The following TMPRSS11B variants were observed in gnomAD, a reference collection of about 807,000 sequenced individuals.
TMPRSS11B encodes the protein transmembrane serine protease 11B, also known as transmembrane protease serine 11B.
In TMPRSS11B, 53 loss-of-function variants were observed where a neutral mutation model predicts 44.7. That is an observed-to-expected ratio of 1.19 (90% CI 0.95 to 1.49). The LOEUF (loss-of-function observed/expected upper bound fraction) is 1.49. TMPRSS11B is among the 40% of genes most tolerant of loss of function. The pLI is 0.00. For missense variants in TMPRSS11B, 526 were observed against 494.8 expected (o/e 1.06, Z -0.60); for synonymous variants, 140 against 159.2 (o/e 0.88, Z 0.91).
Position 68,236,017 on chromosome 4 carries a change from T to A in TMPRSS11B, c.293A>T (p.Glu98Val). ...SSIYKEYVKSEVIKLLPNANG... is the reference protein window; with the variant it reads ...SSIYKEYVKSVVIKLLPNANG... ...TTGTACTTACAGAAGTTTGATGACC[T>A]CAGATTTGACATATTCCTTATATAT... is the stretch of plus-strand genomic sequence containing the variant. The change falls in exon 4 of 10, where the codon GAG becomes GTG. Residue 98 changes from glutamate (E) to valine (V), a missense_variant. Physicochemically the swap from Glu to Val is moderately radical, Grantham distance 121 (BLOSUM62 -2). Transcript: ENST00000332644. 3 of 1,578,910 alleles carry A rather than the reference T, an allele frequency of 1.9e-6. No individual in the cohort carries two copies. Among genetic ancestry groups the A allele is most frequent in the Non-Finnish European group, 2.6e-6 (3 of 1,165,004 alleles).
At chr4:68,243,648 T>C (rs1024261156) in intron 1 of TMPRSS11B, among the ~76,000 whole-genome samples, 18 of 152,180 alleles carry the variant, frequency 1.2e-4, no homozygotes, top group African/African-American at 2.4e-5. Flanking sequence ...TTTATTAATA[T>C]TGGATAACAT....
rs1291205021 is a variant in TMPRSS11B at position 68,227,747 on chromosome 4, C to T, written c.*164G>A. On this transcript the variant is annotated 3_prime_UTR_variant, in exon 10 of 10. Transcript: ENST00000332644. ...CATTAATTTAAAAGATTAATAAATG[C>T]ATGGACAGTGTTTTAGATATAATAA... The T allele has an allele frequency of 1.2e-5, 4 of 342,576 alleles. No individual in the cohort carries two copies. Among genetic ancestry groups the T allele is most frequent in the Non-Finnish European group, 1.8e-5 (4 of 219,016 alleles). The allele number at this position is 342,576 out of a possible 1,614,324, so 21.2% of individuals were successfully genotyped here.
At chr4:68,229,855 G>T (rs1299294311) in intron 7 of TMPRSS11B, among the ~76,000 whole-genome samples, 1 of 151,646 alleles carries the variant, frequency 6.6e-6, no homozygotes, top group East Asian at 2.0e-4. Flanking sequence ...TGGGGTCCAG[G>T]ATTAGTCTTA....
At chr4:68,236,992 G>C (rs189423142) in intron 2 of TMPRSS11B, among the ~76,000 whole-genome samples, 2 of 151,402 alleles carry the variant, frequency 1.3e-5, no homozygotes, top group Non-Finnish European at 2.9e-5. Context: ...AGAACATGCA[G>C]ATTTGTCACA....
At chr4:68,230,302 G>A (rs4860920) in intron 7 of TMPRSS11B, among the ~76,000 whole-genome samples, 107,168 of 152,104 alleles carry the variant, frequency 0.7, 39,331 homozygotes, top group East Asian at 0.99. Flanking sequence ...TAAATTTTAC[G>A]TCAGATGGAT....
chr4:68,245,629 T>G lies in TMPRSS11B; in HGVS notation c.-71A>C, dbSNP rs1187117255. Reference sequence around the variant, plus strand: ...ATGATGACGAAGATAACGATAACGATGACAATGCTGGTAATAGTGATGACA... The same window carrying G: ...ATGATGACGAAGATAACGATAACGAGGACAATGCTGGTAATAGTGATGACA... On this transcript the variant is annotated 5_prime_UTR_variant, in exon 1 of 10. Transcript: ENST00000332644. The G allele has an allele frequency of 3.1e-5, 49 of 1,558,920 alleles. No individual in the cohort carries two copies. The Admixed American group carries it at 4.4e-4, about 14-fold the overall frequency.
chr4:68,234,710 T>A, intron 4 of TMPRSS11B, 87 bp from the exon 5 acceptor site: 2 of 1,376,334 alleles, frequency 1.5e-6, no homozygotes, highest in Non-Finnish European at 2.0e-6. Flanking sequence ...ATTTTAATTA[T>A]CACATTTTCT....
intron 2 of TMPRSS11B, among the ~76,000 whole-genome samples, chr4:68,240,615 C>T (rs115554572): frequency 1.2e-3 from 178 of 152,138 alleles, no homozygotes; most frequent in African/African-American, 4.1e-3. Flanking sequence ...ACTCAGAGCA[C>T]TGTACTTAAG....
chr4:68,237,028 T>C (rs569060941), intron 2 of TMPRSS11B, among the ~76,000 whole-genome samples: 134 of 152,024 alleles, frequency 8.8e-4, no homozygotes, highest in African/African-American at 2.7e-3. Context: ...CATAGTGGTT[T>C]GCTGTACCCA....
At chr4:68,229,005 A>T in intron 8 of TMPRSS11B, 121 bp from the exon 9 acceptor site, 3 of 1,113,872 alleles carry the variant, frequency 2.7e-6, no homozygotes, top group South Asian at 3.3e-5. Flanking sequence ...CCCAGGTTAG[A>T]TTAGTCTCTT....
rs1719609304 is a variant in TMPRSS11B at position 68,234,559 on chromosome 4, C to T, written c.373G>A (p.Val125Ile). The T allele has an allele frequency of 6.2e-7, 1 of 1,613,858 alleles. No homozygotes were observed. The highest frequency in any genetic ancestry group is 1.1e-5 in the South Asian group (1 of 91,090). ...LKFKFPPAEGVSMRTKIKAKL... is the reference protein window; with the variant it reads ...LKFKFPPAEGISMRTKIKAKL... ...GCCTTGATTTTAGTCCTCATGCTAA[C>T]TCCTTCTGCTGGAGGAAACTTGAAT... The change falls in exon 5 of 10, where the codon GTT becomes ATT. Residue 125 changes from valine (V) to isoleucine (I), a missense_variant. Transcript: ENST00000332644.
intron 2 of TMPRSS11B, among the ~76,000 whole-genome samples, chr4:68,237,605 GGTGGTGCTTTGT>G: frequency 6.6e-6 from 1 of 152,190 alleles, no homozygotes; most frequent in East Asian, 1.9e-4. Context: ...GCATATGATG[GGTGGTGCTTTGT>G]GTGAGTCACA....
intron 4 of TMPRSS11B, 137 bp from the exon 5 acceptor site, chr4:68,234,760 C>G (rs1343450298): frequency 5.8e-6 from 5 of 861,370 alleles, no homozygotes; most frequent in African/African-American, 3.5e-5. Flanking sequence ...ACTATCTAAG[C>G]ATGTATAAAA....
At chr4:68,234,205 C>G (rs1189834079) in intron 5 of TMPRSS11B, among the ~76,000 whole-genome samples, 1 of 151,934 alleles carries the variant, frequency 6.6e-6, no homozygotes, top group East Asian at 1.9e-4. Context: ...CCTTCACCCC[C>G]TTTCCCATGC....
At chr4:68,236,307 T>C (rs1719666048) in intron 2 of TMPRSS11B, 41 bp from the exon 3 acceptor site, 1 of 1,351,704 alleles carries the variant, frequency 7.4e-7, no homozygotes, top group Non-Finnish European at 1.0e-6. Flanking sequence ...AATTTTAAAG[T>C]GGAAAGTGAC....
chr4:68,233,521 C>T (rs915286954), intron 5 of TMPRSS11B, among the ~76,000 whole-genome samples: 1 of 151,992 alleles, frequency 6.6e-6, no homozygotes, highest in Non-Finnish European at 1.5e-5. Flanking sequence ...CTGTGAGAAG[C>T]TTTTGGGAAA....
At position 68,236,172 on chromosome 4, in the gene TMPRSS11B, T is replaced by A. The variant is rs1719659737; in HGVS notation, c.219A>T (p.Leu73=). ...TTACCTTAGTCTCAATATCTTTGCT[T>A]AGATTTGTGCTGGCTTGTGAAGCTG... ...ENAASQASTN[L]SKDIETKMLN... The change falls in exon 3 of 10, where the codon CTA becomes CTT. Residue 73 remains leucine (L), a synonymous_variant. Coordinates refer to ENST00000332644, the MANE Select transcript of TMPRSS11B (RefSeq NM_182502.3). 1 of 1,609,610 alleles carries A rather than the reference T, an allele frequency of 6.2e-7. No individual in the cohort carries two copies. The highest frequency in any genetic ancestry group is 1.3e-5 in the African/African-American group (1 of 74,906).
Position 68,227,933 on chromosome 4 carries a change from A to T in TMPRSS11B, c.1229T>A (p.Ile410Asn), listed in dbSNP as rs149128432. Residue 410 changes from isoleucine (I) to asparagine (N), a missense_variant, in exon 10 of 10, where the codon ATT becomes AAT. Physicochemically the swap from Ile to Asn is moderately radical, Grantham distance 149. Transcript: ENST00000332644. Reference sequence around the variant, plus strand: ...TTTTCAGAGTCCAGTCTTGGATGTAATCCAATTGCGATAAGAAGTCACTCG... The same window carrying T: ...TTTTCAGAGTCCAGTCTTGGATGTATTCCAATTGCGATAAGAAGTCACTCG... ...YTRVTSYRNW[I>N]TSKTGL is the part of the protein sequence containing the mutation. 29 of 1,612,570 alleles carry T rather than the reference A, an allele frequency of 1.8e-5. No homozygotes were observed. In the East Asian group the frequency reaches 3.1e-4, roughly 17 times the overall value.
At chr4:68,231,135 A>G in intron 7 of TMPRSS11B, 68 bp downstream of exon 7, 1 of 1,380,740 alleles carries the variant, frequency 7.2e-7, no homozygotes, top group Non-Finnish European at 9.6e-7. Context: ...CATTAAGTTA[A>G]CCCCTACAAA....
Sources: gnomAD v4.1 joint callset for allele counts (sites outside exome capture counted in the v4.1 genomes callset) on GRCh38, gnomAD v4.1.1 for gene constraint, MANE v1.5 for transcripts, NCBI Gene and HGNC (gene_info 2026-07-23, HGNC 2026-07-21) for gene names.